Variants in CREBL2 observed in about 807,000 individuals in gnomAD.
The protein encoded by CREBL2 is cAMP-responsive element-binding protein-like 2.
In CREBL2, 4 loss-of-function variants were observed where a neutral mutation model predicts 19.5. The observed-to-expected ratio is 0.20, with a 90% CI of 0.10 to 0.47. CREBL2 has a LOEUF of 0.47. Among genes scored for constraint, CREBL2 ranks in the 20% least tolerant of loss-of-function variants. The probability of loss-of-function intolerance (pLI) is 0.98; values close to 1 mark genes in which losing one functional copy is unlikely to be tolerated. For synonymous variants in CREBL2, 42 were observed against 46.6 expected, an observed-to-expected ratio of 0.90 and a Z score of 0.40; for missense variants, 85 against 145.1, an observed-to-expected ratio of 0.59 and a Z score of 2.13.
intron 1 of CREBL2, among the ~76,000 whole-genome samples, chr12:12,617,815 G>A (rs527767954): frequency 6.6e-5 from 10 of 151,474 alleles, no homozygotes; most frequent in South Asian, 2.1e-4. Context: ...AGGACCCTGC[G>A]GCCTTCCGCT....
chr12:12,613,591 T>C (rs1945284620), intron 1 of CREBL2, among the ~76,000 whole-genome samples: 1 of 152,230 alleles, frequency 6.6e-6, no homozygotes, highest in Non-Finnish European at 1.5e-5. Context: ...TGCAGTACTC[T>C]GGAATTGTTA....
intron 1 of CREBL2, among the ~76,000 whole-genome samples, chr12:12,626,702 T>TA (rs991015828): frequency 6.6e-6 from 1 of 152,042 alleles, no homozygotes; most frequent in Non-Finnish European, 1.5e-5. Context: ...AAGAGACTCT[T>TA]ACAAACAAAC....
intron 2 of CREBL2, among the ~76,000 whole-genome samples, chr12:12,636,302 A>G (rs1039482430): frequency 1.2e-4 from 18 of 152,374 alleles, no homozygotes; most frequent in African/African-American, 3.6e-4. Context: ...CAATGCACAT[A>G]TATTTACTGA....
At chr12:12,623,447 G>A (rs181830454) in intron 1 of CREBL2, among the ~76,000 whole-genome samples, 102 of 152,332 alleles carry the variant, frequency 6.7e-4, no homozygotes, top group Admixed American at 2.9e-3. Context: ...TGGTCAGTGA[G>A]AGCTTCAGAG....
chr12:12,632,068 C>CTTTTTTTTTTTTTT lies in CREBL2; in HGVS notation c.16-3695_16-3682dup, dbSNP rs869253910. On this transcript the variant is annotated intron_variant, in intron 1 of 3. Transcript: ENST00000228865. ...CCTTGGATTCATATACTATGCCTTT[C>CTTTTTTTTTTTTTT]TTTTTTTTTTTTTTTTTTTTTTTTT... Among the ~76,000 whole-genome samples, 123 of 80,632 alleles carry CTTTTTTTTTTTTTT rather than the reference C, an allele frequency of 1.5e-3. 19 individuals carry two copies. Among genetic ancestry groups the CTTTTTTTTTTTTTT allele is most frequent in the African/African-American group, 6.1e-3 (118 of 19,414 alleles). The allele number at this position is 80,632 out of a possible 152,430, so 52.9% of individuals were successfully genotyped here. A position where few individuals can be genotyped will look rare whatever the true frequency, so the allele number is the denominator to read the frequency against.
chr12:12,636,009 C>A, intron 2 of CREBL2, 35 bp downstream of exon 2: 1 of 1,558,858 alleles, frequency 6.4e-7, no homozygotes, highest in East Asian at 2.2e-5. Flanking sequence ...GAAAAAATCA[C>A]CTTAACAGTC....
At chr12:12,639,189 T>C (rs1304096529) in intron 3 of CREBL2, among the ~76,000 whole-genome samples, 1 of 152,242 alleles carries the variant, frequency 6.6e-6, no homozygotes, top group Admixed American at 6.5e-5. Context: ...TATTTATATA[T>C]ATACAGTTGT....
intron 1 of CREBL2, among the ~76,000 whole-genome samples, chr12:12,612,807 T>G (rs1238480076): frequency 6.6e-6 from 1 of 152,260 alleles, no homozygotes. Context: ...ACTTTATGAT[T>G]ATAAAATAAT....
intron 1 of CREBL2, chr12:12,614,210 C>T (rs1289016739): frequency 1.3e-5 from 2 of 152,046 alleles, no homozygotes; most frequent in African/African-American, 4.8e-5. Context: ...TCAGGCTGGT[C>T]TCAAACTCGA....
At chr12:12,638,943 G>C (rs1445912750) in intron 3 of CREBL2, among the ~76,000 whole-genome samples, 1 of 152,104 alleles carries the variant, frequency 6.6e-6, no homozygotes, top group Non-Finnish European at 1.5e-5. Context: ...AGAAAATCCT[G>C]AACCCATTAA....
At chr12:12,614,083 T>G (rs1295418021) in intron 1 of CREBL2, among the ~76,000 whole-genome samples, 1 of 148,552 alleles carries the variant, frequency 6.7e-6, no homozygotes, top group Non-Finnish European at 1.5e-5. Flanking sequence ...CGAGAATTGC[T>G]CTTGGGTTCA....
intron 1 of CREBL2, among the ~76,000 whole-genome samples, chr12:12,620,801 A>G (rs1455712793): frequency 3.9e-5 from 6 of 152,212 alleles, no homozygotes; most frequent in Non-Finnish European, 8.8e-5. Context: ...AGTTGCAAAG[A>G]TGATTAAGAG....
intron 1 of CREBL2, among the ~76,000 whole-genome samples, chr12:12,613,616 C>A (rs1405147866): frequency 1.3e-5 from 2 of 152,176 alleles, no homozygotes; most frequent in Non-Finnish European, 2.9e-5. Flanking sequence ...CCTAGAGGAA[C>A]GGATTGCTTG....
chr12:12,615,603 T>C (rs1453924710), intron 1 of CREBL2: 1 of 152,220 alleles, frequency 6.6e-6, no homozygotes, highest in Non-Finnish European at 1.5e-5. Context: ...GTTCAAGCAA[T>C]TCTCCTGTCT....
intron 1 of CREBL2, among the ~76,000 whole-genome samples, chr12:12,633,892 A>C (rs1205293762): frequency 6.6e-6 from 1 of 152,172 alleles, no homozygotes; most frequent in Non-Finnish European, 1.5e-5. Flanking sequence ...CAGTGTTTGA[A>C]TTTTGCATCT....
intron 1 of CREBL2, among the ~76,000 whole-genome samples, chr12:12,618,632 G>A (rs1014097236): frequency 2.0e-5 from 3 of 152,188 alleles, no homozygotes; most frequent in South Asian, 2.1e-4. Context: ...GCGGGGTGGC[G>A]GCCGGGCAGA....
chr12:12,618,054 C>T (rs538789700), intron 1 of CREBL2, among the ~76,000 whole-genome samples: 1 of 152,126 alleles, frequency 6.6e-6, no homozygotes. Context: ...AATGGAGTCT[C>T]CTATGTCTAC....
At chr12:12,628,039 C>T (rs1246090401) in intron 1 of CREBL2, among the ~76,000 whole-genome samples, 2 of 152,060 alleles carry the variant, frequency 1.3e-5, no homozygotes, top group Non-Finnish European at 2.9e-5. Flanking sequence ...GCCACCATGC[C>T]CAGCTAATTG....
intron 1 of CREBL2, among the ~76,000 whole-genome samples, chr12:12,630,169 T>A (rs1282000079): frequency 6.6e-5 from 10 of 152,144 alleles, no homozygotes. Context: ...GTTTGTGAGG[T>A]TAATTATTTA....
Sources: allele counts gnomAD v4.1 joint callset (sites outside exome capture counted in the v4.1 genomes callset), GRCh38; gene constraint gnomAD v4.1.1; transcripts MANE v1.5; gene names NCBI Gene and HGNC (gene_info 2026-07-23, HGNC 2026-07-21).